Variants in RASA1 observed in about 807,000 individuals in gnomAD.
The protein encoded by RASA1 is RAS p21 protein activator 1.
A neutral mutation model predicts 132.2 loss-of-function variants in RASA1; 25 were observed. The observed-to-expected ratio is 0.19, with a 90% CI of 0.14 to 0.26. The LOEUF is 0.26. Ranked by LOEUF, RASA1 falls within the 10% of genes least tolerant of loss-of-function variation. The pLI is 1.00. For synonymous variants in RASA1, 477 were observed against 449.9 expected (o/e 1.06, Z -0.76); for missense variants, 964 against 1,299.2 (o/e 0.74, Z 3.97).
At chr5:87,286,911 A>AACACCATATATATACATACCATATATAT (rs1400278083) in intron 1 of RASA1, among the ~76,000 whole-genome samples, 1 of 149,060 alleles carries the variant, frequency 6.7e-6, no homozygotes, top group Non-Finnish European at 1.5e-5. Flanking sequence ...ATATATAAGG[A>AACACCATATATATACATACCATATATAT]ACACCATATA....
intron 1 of RASA1, among the ~76,000 whole-genome samples, chr5:87,315,055 G>C (rs1449739048): frequency 6.6e-6 from 1 of 152,106 alleles, no homozygotes; most frequent in Non-Finnish European, 1.5e-5. Context: ...AAAGTATAAA[G>C]AGTTTTATAT....
intron 20 of RASA1, among the ~76,000 whole-genome samples, chr5:87,381,345 T>G (rs181481309): frequency 1.3e-5 from 2 of 152,212 alleles, no homozygotes; most frequent in Non-Finnish European, 2.9e-5. Context: ...CTTTTGCTTT[T>G]GTTAAGCATA....
intron 1 of RASA1, among the ~76,000 whole-genome samples, chr5:87,287,299 A>G (rs1754653862): frequency 1.4e-5 from 2 of 147,732 alleles, no homozygotes; most frequent in Non-Finnish European, 3.0e-5. Context: ...TATATACACC[A>G]TATATACACA....
At chr5:87,338,674 T>G (rs1758212650) in intron 5 of RASA1, among the ~76,000 whole-genome samples, 1 of 150,628 alleles carries the variant, frequency 6.6e-6, no homozygotes. Flanking sequence ...GCCCGGCCTA[T>G]TTGTGCTTAT....
intron 1 of RASA1, among the ~76,000 whole-genome samples, chr5:87,284,059 A>G (rs944405048): frequency 6.6e-6 from 1 of 152,152 alleles, no homozygotes; most frequent in African/African-American, 2.4e-5. Context: ...ACAGATTTTT[A>G]AATCTTCTTT....
chr5:87,374,708 T>C, intron 14 of RASA1, 132 bp from the exon 15 acceptor site: 1 of 1,283,006 alleles, frequency 7.8e-7, no homozygotes. Flanking sequence ...GTTGTGAATC[T>C]GGTTTTAGGT....
intron 1 of RASA1, among the ~76,000 whole-genome samples, chr5:87,307,447 C>T (rs1363511748): frequency 2.7e-5 from 4 of 148,282 alleles, no homozygotes; most frequent in Non-Finnish European, 4.4e-5. Context: ...GGCAACAGAG[C>T]GAAACTCTGT....
chr5:87,378,404 A>G lies in RASA1; in HGVS notation c.2353A>G (p.Thr785Ala). 6.2e-7 allele frequency: 1 copy of G among 1,613,086 alleles called. No homozygotes were observed. The highest frequency in any genetic ancestry group is 8.5e-7 in the Non-Finnish European group (1 of 1,179,344). ...DREISMEDEA[T>A]TLFRATTLAS... The stretch of plus-strand genomic sequence containing the variant: ...TGTAAATATTTGTGTAGATGAAGCC[A>G]CTACCCTATTTCGAGCCACAACACT... The change falls in exon 18 of 25, where the codon ACT becomes GCT. Residue 785 changes from threonine (T) to alanine (A), a missense_variant. Coordinates refer to ENST00000274376, the MANE Select transcript of RASA1 (RefSeq NM_002890.3).
intron 9 of RASA1, among the ~76,000 whole-genome samples, chr5:87,357,394 C>T (rs74582239): frequency 0.012 from 1,823 of 152,080 alleles, 30 homozygotes; most frequent in African/African-American, 0.041. Context: ...ATTCTAATTC[C>T]CCTTGGCTCT....
chr5:87,352,747 C>A (rs1355697397), intron 8 of RASA1, among the ~76,000 whole-genome samples: 3 of 151,048 alleles, frequency 2.0e-5, no homozygotes, highest in Non-Finnish European at 4.4e-5. Flanking sequence ...AATAAAAATT[C>A]TTAATTTACC....
At chr5:87,303,029 GTCCATA>G (rs1755444174) in intron 1 of RASA1, among the ~76,000 whole-genome samples, 1 of 152,016 alleles carries the variant, frequency 6.6e-6, no homozygotes, top group African/African-American at 2.4e-5. Flanking sequence ...TAAAAACAAT[GTCCATA>G]TCTAGTTGAC....
chr5:87,287,854 CA>C (rs1236233541), intron 1 of RASA1, among the ~76,000 whole-genome samples: 1 of 139,418 alleles, frequency 7.2e-6, no homozygotes, highest in Non-Finnish European at 1.6e-5. Flanking sequence ...TATATACACA[CA>C]CCATATATAT....
intron 1 of RASA1, among the ~76,000 whole-genome samples, chr5:87,281,264 C>T (rs544445342): frequency 1.4e-4 from 21 of 145,176 alleles, no homozygotes; most frequent in East Asian, 1.2e-3. Flanking sequence ...TTTTTTGAGA[C>T]GGAGTTTCGC....
At position 87,324,133 on chromosome 5, in the gene RASA1, G is replaced by A. The variant is rs551901565; in HGVS notation, c.540-7215G>A. Among the ~76,000 whole-genome samples, 5 of 152,262 alleles carry A rather than the reference G, an allele frequency of 3.3e-5. No individual in the cohort carries two copies. In the South Asian group the frequency reaches 1.0e-3, roughly 32 times the overall value. On this transcript the variant is annotated intron_variant, in intron 1 of 24. Coordinates refer to ENST00000274376, the MANE Select transcript of RASA1 (RefSeq NM_002890.3). ...ATTTCTTATCTTCATGTGCTGAATG[G>A]TATGATACTATAATTGTTGAAGTTC...
intron 1 of RASA1, among the ~76,000 whole-genome samples, chr5:87,301,751 T>G (rs572278431): frequency 6.6e-6 from 1 of 152,210 alleles, no homozygotes; most frequent in South Asian, 2.1e-4. Flanking sequence ...TCCTCAAAGT[T>G]TCAGATTTTG....
At chr5:87,333,615 A>G (rs1363234059) in intron 4 of RASA1, among the ~76,000 whole-genome samples, 1 of 152,276 alleles carries the variant, frequency 6.6e-6, no homozygotes, top group East Asian at 1.9e-4. Flanking sequence ...GCTTCAATCT[A>G]TATGCTATGT....
intron 1 of RASA1, among the ~76,000 whole-genome samples, chr5:87,280,470 G>A (rs1418883400): frequency 6.6e-6 from 1 of 151,878 alleles, no homozygotes; most frequent in Non-Finnish European, 1.5e-5. Context: ...CTGCCACCAC[G>A]CCTGGCTAAT....
intron 1 of RASA1, 159 bp downstream of exon 1, chr5:87,269,149 T>G: frequency 6.2e-7 from 1 of 1,613,116 alleles, no homozygotes; most frequent in Non-Finnish European, 8.5e-7. Context: ...TGATCACTTA[T>G]CTTCCTTACA....
chr5:87,362,738 TTG>T, intron 10 of RASA1, 67 bp downstream of exon 10: 1 of 1,519,298 alleles, frequency 6.6e-7, no homozygotes, highest in Non-Finnish European at 9.1e-7. Flanking sequence ...TCCGAACTTA[TTG>T]TGATATATAT....
Sources: allele counts gnomAD v4.1 joint callset (sites outside exome capture counted in the v4.1 genomes callset), GRCh38; gene constraint gnomAD v4.1.1; transcripts MANE v1.5; gene names NCBI Gene and HGNC (gene_info 2026-07-23, HGNC 2026-07-21).